FBLIM1: variants seen among roughly 807,000 people sequenced by gnomAD.
FBLIM1 encodes the protein filamin-binding LIM protein 1.
A neutral mutation model predicts 37.4 loss-of-function variants in FBLIM1; 29 were observed. The ratio of observed to expected loss-of-function variants is 0.77; its 90% CI spans 0.58 to 1.06. The LOEUF is 1.06. Among genes scored for constraint, FBLIM1 ranks in the 50% least tolerant of loss-of-function variants. The pLI, the probability that FBLIM1 is intolerant of heterozygous loss-of-function variation, is 0.00. For synonymous variants in FBLIM1, 193 were observed against 199.0 expected (o/e 0.97, Z 0.25); for missense variants, 449 against 505.6 (o/e 0.89, Z 1.07).
At chr1:15,783,880 C>T (rs768643128) in intron 8 of FBLIM1, among the ~76,000 whole-genome samples, 73 of 152,270 alleles carry the variant, frequency 4.8e-4, no homozygotes, top group Non-Finnish European at 8.8e-4. Context: ...CCGCGCCCGC[C>T]CAGAATTTAT....
intron 6 of FBLIM1, among the ~76,000 whole-genome samples, chr1:15,771,658 G>A (rs2069219799): frequency 6.6e-6 from 1 of 151,866 alleles, no homozygotes; most frequent in Non-Finnish European, 1.5e-5. Context: ...CAAGTTACAG[G>A]GACACGCGAT....
intron 5 of FBLIM1, 26 bp downstream of exon 5, chr1:15,768,656 C>T: frequency 1.3e-6 from 2 of 1,566,280 alleles, no homozygotes; most frequent in Non-Finnish European, 1.7e-6. Flanking sequence ...TGAGAGGATA[C>T]TGGGGTGATC....
rs1348749654 is a variant in FBLIM1 at position 15,774,778 on chromosome 1, G to T, written c.872G>T (p.Cys291Phe). 6.2e-7 allele frequency: 1 copy of T among 1,614,202 alleles called. No homozygotes were observed. Among genetic ancestry groups the T allele is most frequent in the Admixed American group, 1.7e-5 (1 of 60,022 alleles). Reference sequence around the variant, plus strand: ...CTGGGCAGCCAGAACGAGGTGTACTGCCTGGACGACTTCTACAGGTACGAG... The same window carrying T: ...CTGGGCAGCCAGAACGAGGTGTACTTCCTGGACGACTTCTACAGGTACGAG... Reference protein sequence around the residue: ...FALGSQNEVYCLDDFYRKFAP... With the variant: ...FALGSQNEVYFLDDFYRKFAP... The change falls in exon 7 of 9, where the codon TGC becomes TTC. Residue 291 changes from cysteine to phenylalanine, a missense_variant. Coordinates refer to ENST00000375766, the MANE Select transcript of FBLIM1 (RefSeq NM_017556.4).
chr1:15,767,545 GC>G lies in FBLIM1; in HGVS notation c.425del (p.Pro142ArgfsTer59). ...ACTTAGAGCAGCTGCACCTGTCCCC[GC>G]CCCCGCCCCCACCACAGGTACTGCC... ...ADLEQLHLSPPPPPPQAPAEG... is the reference protein window; with the variant it reads ...ADLEQLHLSPXPPPPQAPAEG... On this transcript the variant is annotated frameshift_variant, in exon 4 of 9. Coordinates refer to ENST00000375766, the MANE Select transcript of FBLIM1 (RefSeq NM_017556.4). LOFTEE classifies it high-confidence loss of function. 4.8e-6 allele frequency: 6 copies of G among 1,257,922 alleles called. No homozygotes were observed. Among genetic ancestry groups the G allele is most frequent in the South Asian group, 1.5e-5 (1 of 64,718 alleles). 77.9% of individuals were successfully genotyped at this position (1,257,922 alleles called of 1,614,324 possible).
chr1:15,776,326 T>C (rs1244313494), intron 7 of FBLIM1, among the ~76,000 whole-genome samples: 1 of 152,076 alleles, frequency 6.6e-6, no homozygotes, highest in Non-Finnish European at 1.5e-5. Context: ...GGGTTCTGTT[T>C]TACCACCCAA....
chr1:15,761,344 G>A (rs1417835086), intron 1 of FBLIM1, among the ~76,000 whole-genome samples: 1 of 152,144 alleles, frequency 6.6e-6, no homozygotes, highest in Non-Finnish European at 1.5e-5. Flanking sequence ...GCCATGGATG[G>A]CCTGGGAAAG....
chr1:15,765,089 G>A lies in FBLIM1; in HGVS notation c.106G>A (p.Glu36Lys). 6.2e-7 allele frequency: 1 copy of A among 1,613,920 alleles called. No homozygotes were observed. The highest frequency in any genetic ancestry group is 8.5e-7 in the Non-Finnish European group (1 of 1,179,910). The change falls in exon 3 of 9, where the codon GAG (glutamate) becomes AAG (lysine). Residue 36 changes from glutamate to lysine, a missense_variant. Physicochemically the swap from Glu to Lys is moderately conservative, Grantham distance 56. Transcript: ENST00000375766. This position sits in a 1 kb window ranked among gnomAD's most constrained non-coding sequence, Gnocchi z 5.9. ...GGAGGAAGTGAGGCAGGCAGTTTGTGAGGCCCGGCGTGGCCGCCCCTGGGA... is the reference window on the plus strand; with the variant it reads ...GGAGGAAGTGAGGCAGGCAGTTTGTAAGGCCCGGCGTGGCCGCCCCTGGGA... ...VAEEVRQAVC[E>K]ARRGRPWEAP... is the part of the protein sequence containing the mutation.
chr1:15,784,694 C>T lies in FBLIM1; in HGVS notation c.*33C>T, dbSNP rs537487970. On this transcript the variant is annotated 3_prime_UTR_variant, in exon 9 of 9. Coordinates refer to ENST00000375766, the MANE Select transcript of FBLIM1 (RefSeq NM_017556.4). Reference sequence around the variant, plus strand: ...CGCTGGGCAGTGAACAGACCACTAGCCCCGGCTGGGGCCCTTCCCTGACTT... The same window carrying T: ...CGCTGGGCAGTGAACAGACCACTAGTCCCGGCTGGGGCCCTTCCCTGACTT... 6.7e-5 allele frequency: 106 copies of T among 1,588,862 alleles called. 2 individuals are homozygous for T. Among genetic ancestry groups the T allele is most frequent in the Non-Finnish European group, 5.7e-5 (66 of 1,159,542 alleles).
Position 15,770,530 on chromosome 1 carries a change from G to C in FBLIM1, c.663G>C (p.Gln221His). ...CCTGCCGCCGCCAGCTGGCTGGGCA[G>C]AGCTTCTACCAGAAGGATGGGCGAC... ...CRTCRRQLAGQSFYQKDGRPL... is the reference protein window; with the variant it reads ...CRTCRRQLAGHSFYQKDGRPL... Residue 221 changes from glutamine to histidine, a missense_variant, in exon 6 of 9, where the codon CAG becomes CAC. Coordinates refer to ENST00000375766, the MANE Select transcript of FBLIM1 (RefSeq NM_017556.4). The C allele has an allele frequency of 6.2e-7, 1 of 1,613,994 alleles. No homozygotes were observed. The highest frequency in any genetic ancestry group is 1.1e-5 in the South Asian group (1 of 91,076).
rs768998293 is a variant in FBLIM1 at position 15,784,571 on chromosome 1, C to T, written c.1032C>T (p.Val344=). 2.2e-5 allele frequency: 36 copies of T among 1,613,822 alleles called. No individual in the cohort carries two copies. The South Asian group carries it at 2.9e-4, about 13-fold the overall frequency. Residue 344 remains valine (V), a synonymous_variant, in exon 9 of 9, where the codon GTC becomes GTT. Coordinates refer to ENST00000375766, the MANE Select transcript of FBLIM1 (RefSeq NM_017556.4). ...RCEDCRILLS[V]EPTDQGCYPL... is the part of the protein sequence containing the mutation. ...AGGACTGCAGGATCCTCCTGTCTGT[C>T]GAGCCCACGGACCAAGGCTGCTACC...
At chr1:15,772,191 C>T (rs146379812) in intron 6 of FBLIM1, among the ~76,000 whole-genome samples, 67 of 152,310 alleles carry the variant, frequency 4.4e-4, no homozygotes, top group African/African-American at 1.4e-3. Flanking sequence ...AGTTTGAAAA[C>T]GGCTGATTTG....
At chr1:15,777,364 GA>G in intron 8 of FBLIM1, 77 bp downstream of exon 8, 1 of 1,050,024 alleles carries the variant, frequency 9.5e-7, no homozygotes, top group Non-Finnish European at 1.5e-6. Flanking sequence ...TGGACATGGG[GA>G]CAGGTCAGGG....
chr1:15,769,784 C>T (rs147832222), intron 5 of FBLIM1, among the ~76,000 whole-genome samples: 5,716 of 151,840 alleles, frequency 0.038, 182 homozygotes, highest in Non-Finnish European at 0.057. Context: ...TACAGGCGCC[C>T]GCTACCACGC....
At chr1:15,777,656 C>T (rs949923458) in intron 8 of FBLIM1, among the ~76,000 whole-genome samples, 1 of 151,260 alleles carries the variant, frequency 6.6e-6, no homozygotes, top group Non-Finnish European at 1.5e-5. Context: ...TCACTGCAAC[C>T]TCTACCTCCA....
intron 1 of FBLIM1, among the ~76,000 whole-genome samples, chr1:15,763,692 G>T (rs979686673): frequency 6.6e-4 from 101 of 151,930 alleles, no homozygotes; most frequent in Middle Eastern, 3.4e-3. Flanking sequence ...CAGACTGGAG[G>T]GCAGTGGTGC....
Position 15,774,677 on chromosome 1 carries a change from C to G in FBLIM1, c.771C>G (p.Ala257=). The G allele has an allele frequency of 6.2e-7, 1 of 1,614,130 alleles. No homozygotes were observed. Among genetic ancestry groups the G allele is most frequent in the South Asian group, 1.1e-5 (1 of 91,076 alleles). Reference sequence around the variant, plus strand: ...TGGTCCGGGACCACATCATCAGGGCCCTGGGCCAGGCCTTCCACCCCTCCT... The same window carrying G: ...TGGTCCGGGACCACATCATCAGGGCGCTGGGCCAGGCCTTCCACCCCTCCT... ...GEVVRDHIIR[A]LGQAFHPSCF... is the part of the protein sequence containing the mutation. The change falls in exon 7 of 9, where the codon GCC becomes GCG. Residue 257 remains alanine, a synonymous_variant. Coordinates refer to ENST00000375766, the MANE Select transcript of FBLIM1 (RefSeq NM_017556.4).
intron 5 of FBLIM1, among the ~76,000 whole-genome samples, 171 bp from the exon 6 acceptor site, chr1:15,770,238 T>C (rs1418869521): frequency 6.6e-6 from 1 of 152,112 alleles, no homozygotes; most frequent in African/African-American, 2.4e-5. Context: ...TGAGCCACCA[T>C]GCCTGACTCA....
intron 8 of FBLIM1, 71 bp downstream of exon 8, chr1:15,777,358 C>T: frequency 3.5e-6 from 4 of 1,142,628 alleles, no homozygotes; most frequent in Non-Finnish European, 5.2e-6. Flanking sequence ...GTTGCTTGGA[C>T]ATGGGGACAG....
upstream of FBLIM1, among the ~76,000 whole-genome samples, chr1:15,757,754 C>G (rs2068478690): frequency 6.6e-6 from 1 of 152,196 alleles, no homozygotes; most frequent in South Asian, 2.1e-4. The surrounding 1 kb of genome is among the most constrained non-coding windows in gnomAD (Gnocchi z 4.1). Flanking sequence ...AACAATCTGT[C>G]TGCCTCTGAA....
Sources: allele counts gnomAD v4.1 joint callset (sites outside exome capture counted in the v4.1 genomes callset), GRCh38; gene constraint gnomAD v4.1.1; non-coding constraint Gnocchi (gnomAD v3.1); transcripts MANE v1.5; gene names NCBI Gene and HGNC (gene_info 2026-07-23, HGNC 2026-07-21).